The following RANBP2 variants were observed in gnomAD, a reference collection of about 807,000 sequenced individuals.
RANBP2 encodes the protein E3 SUMO-protein ligase RanBP2.
RANBP2 carries 57 observed loss-of-function variants against 303.6 expected under a neutral mutation model. The observed-to-expected ratio is 0.19, with a 90% CI of 0.15 to 0.23. The LOEUF (loss-of-function observed/expected upper bound fraction) is 0.23, where lower values mean the gene tolerates loss of function less well. Ranked by LOEUF, RANBP2 falls within the 10% of genes least tolerant of loss-of-function variation. The pLI is 1.00. For synonymous variants in RANBP2, 1,167 were observed against 1,301.5 expected, an observed-to-expected ratio of 0.90 and a Z score of 2.23; for missense variants, 3,138 against 3,780.8, an observed-to-expected ratio of 0.83 and a Z score of 4.46.
the RANBP2 span, among the ~76,000 whole-genome samples, chr2:109,344,914 G>C: frequency 1.3e-5 from 2 of 152,174 alleles, no homozygotes; most frequent in Non-Finnish European, 2.9e-5. Context: ...GATCAGAGGG[G>C]ACATCACAGG....
chr2:109,332,332 A>G, the RANBP2 span, among the ~76,000 whole-genome samples: 2 of 151,982 alleles, frequency 1.3e-5, no homozygotes, highest in African/African-American at 4.8e-5. Flanking sequence ...GTGTTCTGAG[A>G]GTTGCGCCCA....
chr2:108,911,384 T>A, the RANBP2 span, among the ~76,000 whole-genome samples: 1 of 152,074 alleles, frequency 6.6e-6, no homozygotes, highest in Non-Finnish European at 1.5e-5. Context: ...GGGTTTGGTG[T>A]GGAGAGGAAG....
chr2:109,742,485 T>C, the RANBP2 span, among the ~76,000 whole-genome samples: 1 of 148,382 alleles, frequency 6.7e-6, no homozygotes, highest in Non-Finnish European at 1.5e-5. Context: ...ATGAATGATA[T>C]ATATGGGGAA....
At chr2:109,009,205 T>TGGC in the RANBP2 span, among the ~76,000 whole-genome samples, 2 of 151,898 alleles carry the variant, frequency 1.3e-5, no homozygotes, top group Admixed American at 1.3e-4. Context: ...CCTGGCATGG[T>TGGC]GGCAGGTGCC....
At chr2:108,944,677 G>C in the RANBP2 span, among the ~76,000 whole-genome samples, 1 of 152,172 alleles carries the variant, frequency 6.6e-6, no homozygotes, top group East Asian at 1.9e-4. Flanking sequence ...AACAAGGAGA[G>C]GCCCTGGGTC....
chr2:109,387,184 C>T, the RANBP2 span, among the ~76,000 whole-genome samples: 867 of 152,224 alleles, frequency 5.7e-3, 9 homozygotes, highest in African/African-American at 0.02. Context: ...TTTGAGATTG[C>T]GCTGTATCAG....
the RANBP2 span, among the ~76,000 whole-genome samples, chr2:109,158,282 C>T: frequency 6.6e-6 from 1 of 152,196 alleles, no homozygotes; most frequent in African/African-American, 2.4e-5. Context: ...CTCCCGGTTG[C>T]CACTTGTCTC....
the RANBP2 span, chr2:109,129,104 G>C: frequency 2.8e-6 from 1 of 356,420 alleles, no homozygotes; most frequent in East Asian, 1.5e-4. Flanking sequence ...CAGCTGCGCG[G>C]AGGAGCGTGC....
the RANBP2 span, among the ~76,000 whole-genome samples, chr2:109,163,492 G>A: frequency 0.52 from 71,403 of 137,756 alleles, 18,611 homozygotes; most frequent in South Asian, 0.62. Context: ...TCCGCCTCCC[G>A]GGTTCACGCC....
the RANBP2 span, among the ~76,000 whole-genome samples, chr2:109,649,405 T>C: frequency 1.3e-5 from 2 of 152,056 alleles, no homozygotes; most frequent in Non-Finnish European, 2.9e-5. Context: ...TTTTTCTTTT[T>C]CTTTTTTTTT....
At chr2:109,629,127 A>G in the RANBP2 span, among the ~76,000 whole-genome samples, 1 of 151,348 alleles carries the variant, frequency 6.6e-6, no homozygotes, top group Non-Finnish European at 1.5e-5. Flanking sequence ...ACTTGAACCC[A>G]GGAGACGGAT....
chr2:109,312,519 C>T, the RANBP2 span, among the ~76,000 whole-genome samples: 1 of 152,154 alleles, frequency 6.6e-6, no homozygotes, highest in Non-Finnish European at 1.5e-5. Context: ...TACCCATCAG[C>T]AGCCACCCCG....
the RANBP2 span, among the ~76,000 whole-genome samples, chr2:108,900,852 A>G: frequency 4.8e-3 from 734 of 152,314 alleles, 11 homozygotes; most frequent in African/African-American, 0.017. Flanking sequence ...AGACATAGCA[A>G]TCCTAAATGA....
chr2:109,637,831 T>A, the RANBP2 span, among the ~76,000 whole-genome samples: 73 of 152,254 alleles, frequency 4.8e-4, 1 homozygote, highest in African/African-American at 1.8e-3. Context: ...ATCAGTCTGA[T>A]CTCTCTTTCT....
At chr2:109,273,565 A>G in the RANBP2 span, among the ~76,000 whole-genome samples, 1 of 152,212 alleles carries the variant, frequency 6.6e-6, no homozygotes, top group East Asian at 1.9e-4. Context: ...GTGAGGTGCC[A>G]GGTGTCTTGT....
chr2:109,523,525 G>A, the RANBP2 span, among the ~76,000 whole-genome samples: 1 of 152,062 alleles, frequency 6.6e-6, no homozygotes, highest in African/African-American at 2.4e-5. Flanking sequence ...TCCATTGATT[G>A]ATCTTATGTG....
At chr2:108,776,500 C>T (rs1573844732) in intron 24 of RANBP2, among the ~76,000 whole-genome samples, 1 of 152,162 alleles carries the variant, frequency 6.6e-6, no homozygotes, top group Admixed American at 6.5e-5. Context: ...GTGTACCTTA[C>T]CTACTTTTTA....
At chr2:108,937,708 T>G in the RANBP2 span, among the ~76,000 whole-genome samples, 1 of 149,416 alleles carries the variant, frequency 6.7e-6, no homozygotes, top group African/African-American at 2.6e-5. Flanking sequence ...TGTGAGTGTA[T>G]GTGTGTGTAT....
chr2:108,931,465 G>A, the RANBP2 span, among the ~76,000 whole-genome samples: 1 of 152,214 alleles, frequency 6.6e-6, no homozygotes. Flanking sequence ...CCCTCTGGAT[G>A]CTCTCCCAGC....
Sources: allele counts gnomAD v4.1 joint callset (sites outside exome capture counted in the v4.1 genomes callset), GRCh38; gene constraint gnomAD v4.1.1; transcripts MANE v1.5; gene names NCBI Gene and HGNC (gene_info 2026-07-23, HGNC 2026-07-21).